The following TMPRSS7 variants were observed in gnomAD, a reference collection of about 807,000 sequenced individuals.
The protein encoded by TMPRSS7 is transmembrane serine protease 7.
Under a neutral mutation model 95.6 loss-of-function variants are expected in TMPRSS7, and 81 were observed. That is an observed-to-expected ratio of 0.85 (90% CI 0.71 to 1.02). The LOEUF is 1.02. Among genes scored for constraint, TMPRSS7 ranks in the 50% least tolerant of loss-of-function variants. The probability of loss-of-function intolerance (pLI) is 0.00; values close to 1 mark genes in which losing one functional copy is unlikely to be tolerated. For missense variants in TMPRSS7, 945 were observed against 955.2 expected (o/e 0.99, Z 0.14); for synonymous variants, 364 against 337.8 (o/e 1.08, Z -0.85).
At chr3:112,049,421 T>C (rs2073318035) in intron 7 of TMPRSS7, among the ~76,000 whole-genome samples, 1 of 152,222 alleles carries the variant, frequency 6.6e-6, no homozygotes, top group African/African-American at 2.4e-5. Flanking sequence ...GGCCTTTTTT[T>C]CTGGTAACAC....
At position 112,054,729 on chromosome 3, in the gene TMPRSS7, C is replaced by CTTTTTTTTTTTTTTTTTTTTTTTTT. The variant is rs1161735611; in HGVS notation, c.1204-2291_1204-2267dup. ...AACATATTTACTATCTCTCAGTTTG[C>CTTTTTTTTTTTTTTTTTTTTTTTTT]TTTTTTTTTTTTTTTTTTTTTTTTT... On this transcript the variant is annotated intron_variant, in intron 9 of 17. Coordinates refer to ENST00000452346, the Ensembl canonical transcript of TMPRSS7. Among the ~76,000 whole-genome samples the CTTTTTTTTTTTTTTTTTTTTTTTTT allele has an allele frequency of 3.1e-4, 15 of 49,026 alleles. 4 individuals are homozygous for CTTTTTTTTTTTTTTTTTTTTTTTTT. Among genetic ancestry groups the CTTTTTTTTTTTTTTTTTTTTTTTTT allele is most frequent in the Non-Finnish European group, 3.5e-4 (10 of 28,530 alleles). 32.2% of individuals were successfully genotyped at this position (49,026 alleles called of 152,430 possible).
At chr3:112,063,871 C>T (rs1183936436) in intron 12 of TMPRSS7, among the ~76,000 whole-genome samples, 1 of 152,148 alleles carries the variant, frequency 6.6e-6, no homozygotes, top group Non-Finnish European at 1.5e-5. Flanking sequence ...GCATTGGGTC[C>T]ACCTGAGCTT....
At chr3:112,064,889 A>G (rs2073555047) in intron 12 of TMPRSS7, among the ~76,000 whole-genome samples, 1 of 152,210 alleles carries the variant, frequency 6.6e-6, no homozygotes, top group African/African-American at 2.4e-5. Context: ...CATTGGCAGC[A>G]TTTTGTCCTG....
At chr3:112,050,947 C>T (rs2073340406) in intron 9 of TMPRSS7, among the ~76,000 whole-genome samples, 164 bp downstream of exon 9, 1 of 152,118 alleles carries the variant, frequency 6.6e-6, no homozygotes, top group South Asian at 2.1e-4. Flanking sequence ...GTAATTTCAA[C>T]CCTCTGCCCA....
At chr3:112,041,337 T>C (rs2073205906) in intron 2 of TMPRSS7, among the ~76,000 whole-genome samples, 2 of 152,200 alleles carry the variant, frequency 1.3e-5, no homozygotes, top group African/African-American at 4.8e-5. Flanking sequence ...AGCTGTTTCC[T>C]ATCACTCACA....
intron 4 of TMPRSS7, among the ~76,000 whole-genome samples, chr3:112,045,439 T>C (rs1315262599): frequency 1.3e-5 from 2 of 152,228 alleles, no homozygotes; most frequent in African/African-American, 2.4e-5. Context: ...TGAGCCACCA[T>C]GCCCAGCCAT....
At chr3:112,057,247 G>C in intron 10 of TMPRSS7, 116 bp downstream of exon 10, 1 of 707,382 alleles carries the variant, frequency 1.4e-6, no homozygotes, top group Non-Finnish European at 2.4e-6. Flanking sequence ...GAAACTGAGG[G>C]ATATAGGAGT....
intron 2 of TMPRSS7, 119 bp from the exon 3 acceptor site, chr3:112,041,801 A>G (rs796447206): frequency 1.4e-5 from 9 of 651,026 alleles, no homozygotes; most frequent in South Asian, 1.1e-4. Context: ...TGAACCAGTT[A>G]GTATGTAGCT....
At chr3:112,056,538 C>A (rs2073435313) in intron 9 of TMPRSS7, among the ~76,000 whole-genome samples, 1 of 152,166 alleles carries the variant, frequency 6.6e-6, no homozygotes, top group Non-Finnish European at 1.5e-5. Flanking sequence ...TATACGTAGA[C>A]AGCTTTCTCT....
At chr3:112,080,799 CA>C (rs1350908995) in intron 17 of TMPRSS7, 114 bp from the exon 18 acceptor site, 30 of 1,013,918 alleles carry the variant, frequency 3.0e-5, no homozygotes. Context: ...AGTGATTAGC[CA>C]AGCAAAAACA....
At chr3:112,059,332 TATAAACTGAC>T (rs1462997416) in intron 10 of TMPRSS7, among the ~76,000 whole-genome samples, 1 of 152,220 alleles carries the variant, frequency 6.6e-6, no homozygotes, top group African/African-American at 2.4e-5. Context: ...TGTCTGTCTA[TATAAACTGAC>T]TCTTGCTGGC....
exon 16 of TMPRSS7, chr3:112,076,942 C>T (rs1366892517): frequency 2.5e-6 from 4 of 1,614,214 alleles, no homozygotes; most frequent in Non-Finnish European, 3.4e-6. Context: ...CCAAGTTTGT[C>T]TCCCCGGTGA....
At chr3:112,072,367 A>G (rs1342255761) in intron 13 of TMPRSS7, among the ~76,000 whole-genome samples, 1 of 152,202 alleles carries the variant, frequency 6.6e-6, no homozygotes, top group African/African-American at 2.4e-5. Flanking sequence ...ACCCGCCTAT[A>G]TGAGGTGTCT....
At chr3:112,065,863 T>C (rs1185478801) in intron 12 of TMPRSS7, among the ~76,000 whole-genome samples, 1 of 152,204 alleles carries the variant, frequency 6.6e-6, no homozygotes, top group Non-Finnish European at 1.5e-5. Context: ...AGGAAATGGA[T>C]CTCATCAGAC....
chr3:112,051,677 A>G (rs2073360140), intron 9 of TMPRSS7, among the ~76,000 whole-genome samples: 1 of 145,386 alleles, frequency 6.9e-6, no homozygotes, highest in Admixed American at 6.9e-5. Context: ...TCATCTATCT[A>G]TCTATCTATC....
intron 13 of TMPRSS7, 101 bp downstream of exon 13, chr3:112,066,603 G>C (rs1195822047): frequency 9.5e-7 from 1 of 1,056,190 alleles, no homozygotes; most frequent in Non-Finnish European, 1.4e-6. Context: ...CAATCAACTT[G>C]TCCCAGGTTC....
chr3:112,076,735 C>G, intron 15 of TMPRSS7, 141 bp from the exon 16 acceptor site: 3 of 981,360 alleles, frequency 3.1e-6, no homozygotes, highest in Non-Finnish European at 4.5e-6. Context: ...TGCCATGGTC[C>G]CCGGACAAAG....
intron 13 of TMPRSS7, among the ~76,000 whole-genome samples, chr3:112,072,675 T>C (rs923954061): frequency 3.9e-5 from 6 of 152,240 alleles, no homozygotes; most frequent in African/African-American, 1.2e-4. Context: ...GCCTCAGCAA[T>C]GGCGGACGCC....
In TMPRSS7 at chr3:112,052,514, G is replaced by C. The variant is rs1576106173; in HGVS notation, c.1203+1731G>C. On this transcript the variant is annotated intron_variant, in intron 9 of 17. Transcript: ENST00000452346. ...TTACAAATATTTCCAAAGTAATTAA[G>C]AGATAAAGGTGCTGGACCCTTGCTC... Among the ~76,000 whole-genome samples the C allele has an allele frequency of 3.3e-5, 5 of 152,210 alleles. No individual in the cohort carries two copies. In the South Asian group the frequency reaches 1.0e-3, roughly 32 times the overall value.
Sources: allele counts gnomAD v4.1 joint callset (sites outside exome capture counted in the v4.1 genomes callset), GRCh38; gene constraint gnomAD v4.1.1; transcripts MANE v1.5; gene names NCBI Gene and HGNC (gene_info 2026-07-23, HGNC 2026-07-21).